ZC3H12B: variants seen among roughly 807,000 people sequenced by gnomAD.
ZC3H12B encodes zinc finger CCCH-type containing 12B.
A neutral mutation model predicts 43.9 loss-of-function variants in ZC3H12B; 7 were observed. The ratio of observed to expected loss-of-function variants is 0.16; its 90% CI spans 0.09 to 0.30. The LOEUF is 0.30. Among genes scored for constraint, ZC3H12B ranks in the 10% least tolerant of loss-of-function variants. ZC3H12B has a pLI of 1.00. For missense variants in ZC3H12B, 475 were observed against 670.2 expected, an observed-to-expected ratio of 0.71 and a Z score of 3.22; for synonymous variants, 222 against 241.7, an observed-to-expected ratio of 0.92 and a Z score of 0.76.
intron 3 of ZC3H12B, among the ~76,000 whole-genome samples, chrX:65,449,145 C>A (rs2067433875): frequency 9.1e-6 from 1 of 110,016 alleles, no homozygotes; most frequent in African/African-American, 3.3e-5. Flanking sequence ...CACACTAGGA[C>A]ATATCAGAGA....
chrX:65,150,584 T>A, the ZC3H12B span, among the ~76,000 whole-genome samples: 1 of 110,575 alleles, frequency 9.0e-6, no homozygotes, highest in Non-Finnish European at 1.9e-5. Flanking sequence ...TGAGAACATG[T>A]GGTGTTTGGT....
At chrX:65,431,140 G>A (rs1056586236) in intron 3 of ZC3H12B, among the ~76,000 whole-genome samples, 1 of 112,654 alleles carries the variant, frequency 8.9e-6, no homozygotes, top group Non-Finnish European at 1.9e-5. Flanking sequence ...TTCTTGTGAA[G>A]TGGGTTCTTT....
the ZC3H12B span, among the ~76,000 whole-genome samples, chrX:65,244,767 T>C: frequency 9.3e-6 from 1 of 107,258 alleles, no homozygotes; most frequent in Middle Eastern, 4.3e-3. Context: ...CGCAAATTGT[T>C]TGAAGTGCTA....
At chrX:65,097,609 C>G in the ZC3H12B span, among the ~76,000 whole-genome samples, 1 of 111,922 alleles carries the variant, frequency 8.9e-6, no homozygotes, top group East Asian at 2.8e-4. Context: ...TATTCCTTTA[C>G]TCTCTCCTCA....
chrX:65,408,528 G>A (rs945779296), intron 3 of ZC3H12B: 2 of 1,204,359 alleles, frequency 1.7e-6, no homozygotes, highest in Non-Finnish European at 2.2e-6. Context: ...CACCCTTCGG[G>A]ACTTCAGCCT....
At chrX:65,405,778 A>T (rs1398346340) in intron 3 of ZC3H12B, among the ~76,000 whole-genome samples, 2 of 112,284 alleles carry the variant, frequency 1.8e-5, no homozygotes, top group Admixed American at 9.4e-5. Flanking sequence ...AGGAGAGAAG[A>T]TTCAAATAAA....
the ZC3H12B span, among the ~76,000 whole-genome samples, chrX:65,067,131 C>T: frequency 9.1e-6 from 1 of 110,101 alleles, no homozygotes; most frequent in Admixed American, 9.6e-5. Context: ...CTTCAGCCCC[C>T]TTTCCAGAGG....
the ZC3H12B span, among the ~76,000 whole-genome samples, chrX:65,297,777 T>C: frequency 8.9e-6 from 1 of 111,828 alleles, no homozygotes; most frequent in Admixed American, 9.5e-5. Context: ...CAAAACAGCA[T>C]GGTACTGGCA....
At chrX:65,097,245 G>A in the ZC3H12B span, among the ~76,000 whole-genome samples, 18 of 111,781 alleles carry the variant, frequency 1.6e-4, no homozygotes, top group Non-Finnish European at 2.3e-4. Context: ...AAGATAGAGC[G>A]TATCTCTGGT....
At chrX:65,202,074 T>TCTTTA in the ZC3H12B span, among the ~76,000 whole-genome samples, 1 of 64,219 alleles carries the variant, frequency 1.6e-5, no homozygotes, top group African/African-American at 4.9e-4. Flanking sequence ...ATATATATAT[T>TCTTTA]ACATATAATA....
chrX:65,115,771 A>C, the ZC3H12B span, among the ~76,000 whole-genome samples: 1 of 111,269 alleles, frequency 9.0e-6, no homozygotes, highest in East Asian at 2.9e-4. Flanking sequence ...ATGATATCAC[A>C]TTGTGATTTC....
At chrX:65,442,458 C>G (rs1449052031) in intron 3 of ZC3H12B, among the ~76,000 whole-genome samples, 1 of 110,982 alleles carries the variant, frequency 9.0e-6, no homozygotes, top group African/African-American at 3.3e-5. Context: ...ATGCTCACTC[C>G]TCTAAGCCGT....
At chrX:65,238,783 C>T in the ZC3H12B span, among the ~76,000 whole-genome samples, 2 of 112,015 alleles carry the variant, frequency 1.8e-5, no homozygotes, top group Non-Finnish European at 3.8e-5. Context: ...GGTGCATTGT[C>T]TCTTTGTTCT....
the ZC3H12B span, among the ~76,000 whole-genome samples, chrX:65,253,493 G>T: frequency 8.9e-6 from 1 of 112,325 alleles, no homozygotes; most frequent in East Asian, 2.8e-4. Context: ...AACATCCGTG[G>T]TGAAGCACAG....
At chrX:65,337,402 G>T in the ZC3H12B span, among the ~76,000 whole-genome samples, 1 of 112,260 alleles carries the variant, frequency 8.9e-6, no homozygotes, top group African/African-American at 3.2e-5. Context: ...TAAAAGAATG[G>T]CTACTCCATA....
chrX:65,323,120 T>A, the ZC3H12B span, among the ~76,000 whole-genome samples: 1 of 112,286 alleles, frequency 8.9e-6, no homozygotes, highest in Non-Finnish European at 1.9e-5. Context: ...CTTTTTTTCC[T>A]ATATGGATAC....
At chrX:65,332,503 C>T in the ZC3H12B span, among the ~76,000 whole-genome samples, 1 of 111,558 alleles carries the variant, frequency 9.0e-6, no homozygotes, top group African/African-American at 3.2e-5. Flanking sequence ...AATAAGAAGA[C>T]ATTCCATGAA....
chrX:65,496,008 G>T (rs1394977030), intron 1 of ZC3H12B, among the ~76,000 whole-genome samples: 2 of 111,552 alleles, frequency 1.8e-5, no homozygotes, highest in Non-Finnish European at 3.8e-5. Flanking sequence ...CACCCAGCCA[G>T]AAATACTTGA....
chrX:65,304,335 G>A, the ZC3H12B span, among the ~76,000 whole-genome samples: 1 of 111,649 alleles, frequency 9.0e-6, no homozygotes, highest in Non-Finnish European at 1.9e-5. Flanking sequence ...ACATTTACCC[G>A]ACCGGGTGCG....
Sources: allele counts gnomAD v4.1 joint callset (sites outside exome capture counted in the v4.1 genomes callset), GRCh38; gene constraint gnomAD v4.1.1; transcripts MANE v1.5; gene names NCBI Gene and HGNC (gene_info 2026-07-23, HGNC 2026-07-21).